Variants in KLHL17 observed in about 807,000 individuals in gnomAD.
The protein encoded by KLHL17 is kelch-like protein 17.
In KLHL17, 71 loss-of-function variants were observed where a neutral mutation model predicts 64.6. That is an observed-to-expected ratio of 1.10 (90% CI 0.91 to 1.34). The LOEUF is 1.34. KLHL17 is among the 40% of genes most tolerant of loss of function. KLHL17 has a pLI of 0.00. For missense variants in KLHL17, 1,140 were observed against 935.0 expected (o/e 1.22, Z -2.86); for synonymous variants, 612 against 405.4 (o/e 1.51, Z -6.12).
chr1:961,939 C>A lies in KLHL17; in HGVS notation c.603C>A (p.Ala201=). The A allele has an allele frequency of 6.2e-7, 1 of 1,612,908 alleles. No individual in the cohort carries two copies. The highest frequency in any genetic ancestry group is 8.5e-7 in the Non-Finnish European group (1 of 1,180,002). The stretch of plus-strand genomic sequence containing the variant: ...ACTGCCTGGGTATCCGGGGCTTTGC[C>A]GATGCGCACTCCTGCAGCGACCTGC... ...PSNCLGIRGF[A]DAHSCSDLLK... The change falls in exon 4 of 12, where the codon GCC becomes GCA. Residue 201 remains alanine (A), a synonymous_variant. Transcript: ENST00000338591.
intron 8 of KLHL17, 67 bp from the exon 9 acceptor site, chr1:963,853 G>A (rs896301909): frequency 3.3e-6 from 5 of 1,504,322 alleles, no homozygotes; most frequent in Non-Finnish European, 4.6e-6. Flanking sequence ...GCTGGGGAGG[G>A]CAGGTCCTGG....
Position 965,217 on chromosome 1 carries a change from C to CCT in KLHL17, c.*28_*29dup. The CCT allele has an allele frequency of 1.2e-6, 2 of 1,601,084 alleles. No individual in the cohort carries two copies. Among genetic ancestry groups the CCT allele is most frequent in the Non-Finnish European group, 1.7e-6 (2 of 1,171,006 alleles). On this transcript the variant is annotated 3_prime_UTR_variant, in exon 12 of 12. Coordinates refer to ENST00000338591, the MANE Select transcript of KLHL17 (RefSeq NM_198317.3). ...CCCACCTACCACCAGAGGCCTGCAG[C>CCT]CTCCCACATGCCTTAAGGGGACCGT...
Position 963,767 on chromosome 1 carries a change from G to A in KLHL17, c.1356-153G>A. ...GGGTTGTTCAGGCAGCCAGGGTCCTGTGCCCACCAGCGGGCCCTGCCTGGT... is the reference window on the plus strand; with the variant it reads ...GGGTTGTTCAGGCAGCCAGGGTCCTATGCCCACCAGCGGGCCCTGCCTGGT... On this transcript the variant is annotated intron_variant, in intron 8 of 11. Transcript: ENST00000338591. 5.2e-6 allele frequency: 5 copies of A among 958,900 alleles called. No homozygotes were observed. In the South Asian group the frequency reaches 7.4e-5, roughly 14 times the overall value. The allele number at this position is 958,900 out of a possible 1,614,324, so 59.4% of individuals were successfully genotyped here. A position where few individuals can be genotyped will look rare whatever the true frequency, so the allele number is the denominator to read the frequency against.
Position 965,385 on chromosome 1 carries a change from T to G in KLHL17, c.*194T>G. On this transcript the variant is annotated 3_prime_UTR_variant, in exon 12 of 12. Transcript: ENST00000338591. ...TGCCACGGCTGCCCGTTTACACCTTTAGCGTCTGGTCCTCCTGCGTGTCCT... is the reference window on the plus strand; with the variant it reads ...TGCCACGGCTGCCCGTTTACACCTTGAGCGTCTGGTCCTCCTGCGTGTCCT... 1 of 598,218 alleles carries G rather than the reference T, an allele frequency of 1.7e-6. No homozygotes were observed. The highest frequency in any genetic ancestry group is 3.1e-5 in the Admixed American group (1 of 32,326). 37.1% of individuals were successfully genotyped at this position (598,218 alleles called of 1,614,324 possible).
In KLHL17 at chr1:965,316, T is replaced by A; in HGVS notation, c.*125T>A. The A allele has an allele frequency of 1.3e-6, 1 of 758,410 alleles. No individual in the cohort carries two copies. Among genetic ancestry groups the A allele is most frequent in the Non-Finnish European group, 2.1e-6 (1 of 482,916 alleles). 47.0% of individuals were successfully genotyped at this position (758,410 alleles called of 1,614,324 possible). On this transcript the variant is annotated 3_prime_UTR_variant, in exon 12 of 12. Coordinates refer to ENST00000338591, the MANE Select transcript of KLHL17 (RefSeq NM_198317.3). The stretch of plus-strand genomic sequence containing the variant: ...ATTCCTTCATGTCTTTATTTAGTTG[T>A]TTATTTATTTAGTTATTTATCTTAT...
At position 961,739 on chromosome 1, in the gene KLHL17, G is replaced by A. The variant is rs371066447; in HGVS notation, c.478G>A (p.Gly160Ser). The part of the protein sequence containing the change: ...AYTAEIVVGE[G>S]NVQTLLPAAS... ...CACGGCTGAGATTGTGGTGGGCGAGGGCAATGTGCAGGTGAGGGCTCCCTC... is the reference window on the plus strand; with the variant it reads ...CACGGCTGAGATTGTGGTGGGCGAGAGCAATGTGCAGGTGAGGGCTCCCTC... Residue 160 changes from glycine (G) to serine (S), a missense_variant, in exon 3 of 12, where the codon GGC becomes AGC. By Grantham distance (56) the Gly-to-Ser change is moderately conservative. Coordinates refer to ENST00000338591, the MANE Select transcript of KLHL17 (RefSeq NM_198317.3). The A allele has an allele frequency of 1.6e-5, 25 of 1,611,908 alleles. No individual in the cohort carries two copies. Among genetic ancestry groups the A allele is most frequent in the Non-Finnish European group, 1.9e-5 (22 of 1,179,510 alleles).
chr1:960,901 C>T, intron 1 of KLHL17, 101 bp downstream of exon 1: 1 of 839,368 alleles, frequency 1.2e-6, no homozygotes, highest in Non-Finnish European at 1.4e-6. Flanking sequence ...CTTCCGAGGG[C>T]CGGGGGAGGT....
In KLHL17 at chr1:964,101, C is replaced by A; in HGVS notation, c.1445-6C>A. Reference sequence around the variant, plus strand: ...GGAGTGCCACGGGTGTGTTGACTTCCGGCAGATGGGAACCTGTATGCTGTG... The same window carrying A: ...GGAGTGCCACGGGTGTGTTGACTTCAGGCAGATGGGAACCTGTATGCTGTG... On this transcript the variant is annotated splice_region_variant and splice_polypyrimidine_tract_variant and intron_variant, in intron 9 of 11. Transcript: ENST00000338591. The A allele has an allele frequency of 1.2e-6, 2 of 1,612,694 alleles. No individual in the cohort carries two copies. The highest frequency in any genetic ancestry group is 1.7e-6 in the Non-Finnish European group (2 of 1,179,910).
chr1:965,108 A>G lies in KLHL17; in HGVS notation c.1846A>G (p.Ser616Gly). 1 of 1,612,710 alleles carries G rather than the reference A, an allele frequency of 6.2e-7. No homozygotes were observed. Among genetic ancestry groups the G allele is most frequent in the Non-Finnish European group, 8.5e-7 (1 of 1,179,916 alleles). ...AASCMFTRRS[S>G]VGVAVLELLN... Reference sequence around the variant, plus strand: ...ATCCTGCATGTTCACCCGGCGCAGCAGTGTGGGTGTGGCGGTGCTGGAGCT... The same window carrying G: ...ATCCTGCATGTTCACCCGGCGCAGCGGTGTGGGTGTGGCGGTGCTGGAGCT... Residue 616 changes from serine (S) to glycine (G), a missense_variant, in exon 12 of 12, where the codon AGT becomes GGT. Physicochemically the swap from Ser to Gly is moderately conservative, Grantham distance 56. Coordinates refer to ENST00000338591, the MANE Select transcript of KLHL17 (RefSeq NM_198317.3).
Position 961,389 on chromosome 1 carries a change from C to G in KLHL17, c.204C>G (p.Ala68=), listed in dbSNP as rs769064880. 6.2e-7 allele frequency: 1 copy of G among 1,607,814 alleles called. No individual in the cohort carries two copies. The highest frequency in any genetic ancestry group is 1.7e-5 in the Admixed American group (1 of 59,552). The change falls in exon 2 of 12, where the codon GCC becomes GCG. Residue 68 remains alanine, a synonymous_variant. Transcript: ENST00000338591. ...QLLSREGHSV[A]HNSKRHYHDA... is the part of the protein sequence containing the mutation. ...TGAGCCGCGAGGGCCACAGCGTGGC[C>G]CACAACTCCAAGCGGCACTACCACG...
rs759307003 is a variant in KLHL17, at chr1:964,206, C to T, written c.1518+26C>T. ...GTGCATAGTGCACCCCTCCTGGCCACCCCCTCCCGTGCGCCGCGGGGCCCT... is the reference window on the plus strand; with the variant it reads ...GTGCATAGTGCACCCCTCCTGGCCATCCCCTCCCGTGCGCCGCGGGGCCCT... On this transcript the variant is annotated intron_variant, in intron 10 of 11. Coordinates refer to ENST00000338591, the MANE Select transcript of KLHL17 (RefSeq NM_198317.3). 5.0e-6 allele frequency: 8 copies of T among 1,611,228 alleles called. No homozygotes were observed. In the South Asian group the frequency reaches 6.6e-5, roughly 13 times the overall value.
rs765936701 is a variant in KLHL17, at chr1:961,874, G to A, written c.538G>A (p.Ala180Thr). ...CCTGCAGCTGAATGGCGTCCGAGAC[G>A]CTTGCTGCAAGTTTCTACTGAGTCA... ...SLLQLNGVRDACCKFLLSQLD... is the reference protein window; with the variant it reads ...SLLQLNGVRDTCCKFLLSQLD... The change falls in exon 4 of 12, where the codon GCT becomes ACT. Residue 180 changes from alanine (A) to threonine (T), a missense_variant. Physicochemically the swap from Ala to Thr is moderately conservative, Grantham distance 58. Coordinates refer to ENST00000338591, the MANE Select transcript of KLHL17 (RefSeq NM_198317.3). 5 of 1,612,288 alleles carry A rather than the reference G, an allele frequency of 3.1e-6. No individual in the cohort carries two copies. The highest frequency in any genetic ancestry group is 1.1e-5 in the South Asian group (1 of 91,086).
intron 1 of KLHL17, among the ~76,000 whole-genome samples, 181 bp from the exon 2 acceptor site, chr1:961,112 A>T (rs1037001189): frequency 2.7e-5 from 4 of 150,928 alleles, no homozygotes; most frequent in African/African-American, 9.7e-5. Context: ...GCAGGGGCGC[A>T]GCGGAGGCCT....
chr1:961,752 TGA>T lies in KLHL17; in HGVS notation c.489+4_489+5del. 1 of 1,611,766 alleles carries T rather than the reference TGA, an allele frequency of 6.2e-7. No homozygotes were observed. The highest frequency in any genetic ancestry group is 8.5e-7 in the Non-Finnish European group (1 of 1,179,446). ...GTGGTGGGCGAGGGCAATGTGCAGG[TGA>T]GGGCTCCCTCACCCGGATCCCGGTG... On this transcript the variant is annotated splice_donor_region_variant and intron_variant, in intron 3 of 11. Coordinates refer to ENST00000338591, the MANE Select transcript of KLHL17 (RefSeq NM_198317.3).
chr1:962,953 C>G, intron 6 of KLHL17, 36 bp downstream of exon 6: 2 of 1,522,406 alleles, frequency 1.3e-6, no homozygotes, highest in Non-Finnish European at 1.8e-6. Context: ...TTGCCCTGTG[C>G]CTTCTACTCC....
rs769847093 is a variant in KLHL17, at chr1:963,405, A to C, written c.1256A>C (p.Glu419Ala). The C allele has an allele frequency of 2.8e-5, 45 of 1,612,498 alleles. No homozygotes were observed. The highest frequency in any genetic ancestry group is 3.2e-5 in the Non-Finnish European group (38 of 1,179,868). The change falls in exon 8 of 12, where the codon GAG becomes GCG. Residue 419 changes from glutamate (E) to alanine (A), a missense_variant. By Grantham distance (107) the Glu-to-Ala change is moderately radical. Transcript: ENST00000338591. The part of the protein sequence containing the change: ...YDPVTNTWQP[E>A]VSMGTRRSCL... Reference sequence around the variant, plus strand: ...CCCGTGACTAACACGTGGCAGCCGGAGGTGTCCATGGGCACAAGGCGAAGC... The same window carrying C: ...CCCGTGACTAACACGTGGCAGCCGGCGGTGTCCATGGGCACAAGGCGAAGC...
At chr1:963,704 C>T in intron 8 of KLHL17, 200 bp downstream of exon 8, 1 of 822,892 alleles carries the variant, frequency 1.2e-6, no homozygotes, top group Non-Finnish European at 1.9e-6. Context: ...GGTCCTTACC[C>T]CCAGTCCAGA....
chr1:960,825 G>C, intron 1 of KLHL17, 25 bp downstream of exon 1: 1 of 992,190 alleles, frequency 1.0e-6, no homozygotes, highest in Non-Finnish European at 1.2e-6. Flanking sequence ...GTCGGGGCGC[G>C]GGGGGCGGCC....
At chr1:963,737 AC>A in intron 8 of KLHL17, 182 bp from the exon 9 acceptor site, 1 of 843,108 alleles carries the variant, frequency 1.2e-6, no homozygotes, top group Non-Finnish European at 1.8e-6. Context: ...GTGGGTGTGC[AC>A]CCAGGGTTGT....
Sources: gnomAD v4.1 joint callset for allele counts (sites outside exome capture counted in the v4.1 genomes callset) on GRCh38, gnomAD v4.1.1 for gene constraint, MANE v1.5 for transcripts, NCBI Gene and HGNC (gene_info 2026-07-23, HGNC 2026-07-21) for gene names.